The following SGCD variants were observed in gnomAD, a reference collection of about 807,000 sequenced individuals.
SGCD encodes the protein delta-sarcoglycan.
Under a neutral mutation model 36.6 loss-of-function variants are expected in SGCD, and 18 were observed. That is an observed-to-expected ratio of 0.49 (90% CI 0.34 to 0.73). The LOEUF (loss-of-function observed/expected upper bound fraction) is 0.73, where lower values mean the gene tolerates loss of function less well. Ranked by LOEUF, SGCD falls within the 30% of genes least tolerant of loss-of-function variation. The probability of loss-of-function intolerance (pLI) is 0.01; values close to 1 mark genes in which losing one functional copy is unlikely to be tolerated. For synonymous variants in SGCD, 133 were observed against 130.6 expected, an observed-to-expected ratio of 1.02 and a Z score of -0.12; for missense variants, 387 against 346.7, an observed-to-expected ratio of 1.12 and a Z score of -0.92.
intron 1 of SGCD, among the ~76,000 whole-genome samples, chr5:156,091,534 A>T (rs1212760409): frequency 6.6e-6 from 1 of 152,146 alleles, no homozygotes; most frequent in African/African-American, 2.4e-5. Context: ...CCATGAAAGT[A>T]CTCCTGTCAA....
At chr5:156,466,361 T>A (rs1373925378) in intron 3 of SGCD, among the ~76,000 whole-genome samples, 2 of 152,230 alleles carry the variant, frequency 1.3e-5, no homozygotes, top group African/African-American at 4.8e-5. Flanking sequence ...TTTCAAAACA[T>A]GTTACAAACA....
chr5:156,468,669 A>G (rs1231963642), intron 3 of SGCD, among the ~76,000 whole-genome samples: 1 of 152,114 alleles, frequency 6.6e-6, no homozygotes, highest in Non-Finnish European at 1.5e-5. Context: ...CAAATAGAAC[A>G]TACCACATAA....
At chr5:156,406,809 TATATATATATACACAC>T (rs1284183134) in intron 3 of SGCD, among the ~76,000 whole-genome samples, 8 of 102,050 alleles carry the variant, frequency 7.8e-5, no homozygotes, top group African/African-American at 1.8e-4. Flanking sequence ...TATATATATA[TATATATATATACACAC>T]ACACACACAC....
rs150057555 is a variant in SGCD, at chr5:156,296,651, G to T, written c.-43-32883G>T. On this transcript the variant is annotated intron_variant, in intron 3 of 9. Coordinates refer to the SGCD transcript ENST00000517913. ...ATTTAATCCTGTTGTAGTCACAGAA[G>T]ATACTTTGTATTATATCCATTGTTT... Among the ~76,000 whole-genome samples, 34 of 152,242 alleles carry T rather than the reference G, an allele frequency of 2.2e-4. No individual in the cohort carries two copies. In the East Asian group the frequency reaches 6.4e-3, roughly 29 times the overall value.
At chr5:156,222,799 C>G (rs767900059) in intron 3 of SGCD, among the ~76,000 whole-genome samples, 3 of 152,008 alleles carry the variant, frequency 2.0e-5, no homozygotes, top group Non-Finnish European at 4.4e-5. Flanking sequence ...TAAAAGGTAG[C>G]TCATATGATT....
intron 3 of SGCD, among the ~76,000 whole-genome samples, chr5:156,183,903 T>A (rs549816802): frequency 2.0e-5 from 3 of 152,152 alleles, no homozygotes; most frequent in South Asian, 2.1e-4. Flanking sequence ...AGTAATATAA[T>A]CATGTTAATT....
intron 3 of SGCD, among the ~76,000 whole-genome samples, chr5:156,131,282 G>C (rs1321524983): frequency 1.3e-5 from 2 of 152,206 alleles, no homozygotes; most frequent in East Asian, 1.9e-4. Flanking sequence ...CTTGGCTCAA[G>C]TCCAGATGGT....
intron 3 of SGCD, among the ~76,000 whole-genome samples, chr5:156,447,647 T>A (rs1469259507): frequency 6.6e-6 from 1 of 152,108 alleles, no homozygotes; most frequent in Non-Finnish European, 1.5e-5. Flanking sequence ...CACTGGGGAC[T>A]GTTGGGAAGT....
At chr5:155,741,507 T>C in the SGCD span, among the ~76,000 whole-genome samples, 1 of 152,094 alleles carries the variant, frequency 6.6e-6, no homozygotes, top group Non-Finnish European at 1.5e-5. Context: ...GGTTGGAATT[T>C]GGTATCTTAT....
intron 4 of SGCD, among the ~76,000 whole-genome samples, chr5:156,577,231 T>C (rs773287315): frequency 1.3e-5 from 2 of 152,288 alleles, no homozygotes; most frequent in Middle Eastern, 3.4e-3. Flanking sequence ...TGGTTGTAGA[T>C]GTGTGGTGTG....
chr5:156,360,359 T>G (rs1769722239), intron 3 of SGCD, among the ~76,000 whole-genome samples: 1 of 151,956 alleles, frequency 6.6e-6, no homozygotes, highest in Admixed American at 6.6e-5. Context: ...GCAATTTTCT[T>G]GCCTCAGCCT....
At chr5:156,257,446 C>A (rs367832978) in intron 3 of SGCD, among the ~76,000 whole-genome samples, 1 of 152,092 alleles carries the variant, frequency 6.6e-6, no homozygotes, top group Non-Finnish European at 1.5e-5. Context: ...TGCACTCCAG[C>A]CTGGGCGACA....
chr5:155,924,897 C>T (rs1403827494), intron 1 of SGCD, among the ~76,000 whole-genome samples: 1 of 152,154 alleles, frequency 6.6e-6, no homozygotes, highest in Non-Finnish European at 1.5e-5. Context: ...ATGCATATTG[C>T]AGTCACTCTC....
intron 3 of SGCD, among the ~76,000 whole-genome samples, chr5:156,229,277 C>CACATATATATATATATATATATAT (rs1554085595): frequency 0.018 from 997 of 56,272 alleles, 48 homozygotes; most frequent in Non-Finnish European, 0.022. Context: ...TATATACATA[C>CACATATATATATATATATATATAT]ATATATATAT....
intron 3 of SGCD, among the ~76,000 whole-genome samples, chr5:156,434,972 G>C (rs1283472925): frequency 6.6e-6 from 1 of 152,128 alleles, no homozygotes; most frequent in Non-Finnish European, 1.5e-5. Context: ...CTATCTCTTA[G>C]AAAAGTCTAG....
At chr5:156,527,519 C>T (rs1334228076) in intron 4 of SGCD, among the ~76,000 whole-genome samples, 1 of 152,134 alleles carries the variant, frequency 6.6e-6, no homozygotes, top group East Asian at 1.9e-4. Flanking sequence ...AGAGAAAGTA[C>T]ACTAGATTCA....
intron 4 of SGCD, among the ~76,000 whole-genome samples, chr5:156,527,931 C>T (rs1292648163): frequency 6.6e-6 from 1 of 152,150 alleles, no homozygotes; most frequent in Non-Finnish European, 1.5e-5. Context: ...GCCATTTTCT[C>T]GTGAAGACCT....
chr5:156,642,228 C>G (rs1368059373), intron 6 of SGCD, among the ~76,000 whole-genome samples: 1 of 152,110 alleles, frequency 6.6e-6, no homozygotes, highest in African/African-American at 2.4e-5. Context: ...CCTCCTAATA[C>G]CATCACATTG....
intron 7 of SGCD, among the ~76,000 whole-genome samples, chr5:156,696,653 G>A (rs1754327531): frequency 6.6e-6 from 1 of 151,954 alleles, no homozygotes; most frequent in Non-Finnish European, 1.5e-5. Context: ...GGGATTACAG[G>A]CATGTAAGAC....
Sources: gnomAD v4.1 joint callset for allele counts (sites outside exome capture counted in the v4.1 genomes callset) on GRCh38, gnomAD v4.1.1 for gene constraint, MANE v1.5 for transcripts, NCBI Gene and HGNC (gene_info 2026-07-23, HGNC 2026-07-21) for gene names.